LRP4: variants seen among roughly 807,000 people sequenced by gnomAD.
The protein encoded by LRP4 is low-density lipoprotein receptor-related protein 4.
LRP4 carries 95 observed loss-of-function variants against 220.3 expected under a neutral mutation model. That is an observed-to-expected ratio of 0.43 (90% CI 0.37 to 0.51). The LOEUF is 0.51. Among genes scored for constraint, LRP4 ranks in the 20% least tolerant of loss-of-function variants. The pLI is 0.00. For missense variants in LRP4, 1,925 were observed against 2,567.0 expected (o/e 0.75, Z 5.40); for synonymous variants, 903 against 954.6 (o/e 0.95, Z 1.00).
intron 1 of LRP4, 42 bp from the exon 2 acceptor site, chr11:46,902,971 C>T (rs372404960): frequency 6.2e-7 from 1 of 1,613,214 alleles, no homozygotes; most frequent in Non-Finnish European, 8.5e-7. Flanking sequence ...TCAGCTCCCA[C>T]TCAACCCAAG....
chr11:46,888,548 C>CA lies in LRP4; in HGVS notation c.2215+862dup, dbSNP rs71042635. On this transcript the variant is annotated intron_variant, in intron 16 of 37. Transcript: ENST00000378623. ...AGCCTGGACAAGAGCAAAACTGTCTCAAAAAAAAAAAAAAAAAAAAAAAAA... is the reference window on the plus strand; with the variant it reads ...AGCCTGGACAAGAGCAAAACTGTCTCAAAAAAAAAAAAAAAAAAAAAAAAAA... Among the ~76,000 whole-genome samples, 291 of 31,288 alleles carry CA rather than the reference C, an allele frequency of 9.3e-3. 11 individuals are homozygous for CA. Among genetic ancestry groups the CA allele is most frequent in the Middle Eastern group, 0.045 (1 of 22 alleles). The allele number at this position is 31,288 out of a possible 152,430, so 20.5% of individuals were successfully genotyped here. A position where few individuals can be genotyped will look rare whatever the true frequency, so the allele number is the denominator to read the frequency against.
chr11:46,908,727 C>T (rs976962181), intron 1 of LRP4, among the ~76,000 whole-genome samples: 3 of 152,204 alleles, frequency 2.0e-5, no homozygotes, highest in South Asian at 2.1e-4. Context: ...TTTCCCTCGC[C>T]GGAAGGTAAA....
intron 1 of LRP4, among the ~76,000 whole-genome samples, chr11:46,916,766 G>A (rs1941952170): frequency 6.6e-6 from 1 of 152,056 alleles, no homozygotes; most frequent in East Asian, 1.9e-4. Flanking sequence ...CCTCCAGGGG[G>A]CTGAGAGGAA....
rs562102634 is a variant in LRP4 at position 46,907,730 on chromosome 11, A to C, written c.53-4801T>G. On this transcript the variant is annotated intron_variant, in intron 1 of 37. Coordinates refer to ENST00000378623, the MANE Select transcript of LRP4 (RefSeq NM_002334.4). ...CTTAGTAGTAGACAACATAGATTCT[A>C]AAGTCAGAGAGATGAAGGTTCAAAT... 2.0e-5 allele frequency among the ~76,000 whole-genome samples: 3 copies of C among 152,288 alleles called. No homozygotes were observed. In the South Asian group the frequency reaches 6.2e-4, roughly 32 times the overall value.
rs1165928674 is a variant in LRP4 at position 46,857,929 on chromosome 11, CTT to C, written c.*1052_*1053del. 1 of 152,644 alleles carries C rather than the reference CTT, an allele frequency of 6.6e-6. No homozygotes were observed. The highest frequency in any genetic ancestry group is 1.5e-5 in the Non-Finnish European group (1 of 68,048). The allele number at this position is 152,644 out of a possible 1,614,324, so 9.5% of individuals were successfully genotyped here. A position where few individuals can be genotyped will look rare whatever the true frequency, so the allele number is the denominator to read the frequency against. On this transcript the variant is annotated 3_prime_UTR_variant, in exon 38 of 38. Transcript: ENST00000378623. ...AAGTTTGACCCTCATGGATACTTCT[CTT>C]TAGGCCCTGGGTTTCCCAAGTCTCC...
rs766757096 is a variant in LRP4 at position 46,893,144 on chromosome 11, C to T, written c.1541-15G>A. The T allele has an allele frequency of 1.2e-6, 2 of 1,614,040 alleles. No individual in the cohort carries two copies. Among genetic ancestry groups the T allele is most frequent in the South Asian group, 2.2e-5 (2 of 91,082 alleles). On this transcript the variant is annotated splice_polypyrimidine_tract_variant and intron_variant, in intron 12 of 37. Coordinates refer to ENST00000378623, the MANE Select transcript of LRP4 (RefSeq NM_002334.4). ...AGCCAGGCCCCCTGGTGAGAAGCAG[C>T]AGCAAAAAATGTCAAGGAGTCAACC...
At chr11:46,903,033 G>C (rs1592549177) in intron 1 of LRP4, 104 bp from the exon 2 acceptor site, 2 of 1,382,296 alleles carry the variant, frequency 1.4e-6, no homozygotes, top group African/African-American at 1.4e-5. Flanking sequence ...CTGTCACCTG[G>C]AGAGTCACAG....
intron 1 of LRP4, among the ~76,000 whole-genome samples, chr11:46,911,624 T>A (rs1449195408): frequency 2.1e-5 from 3 of 141,830 alleles, no homozygotes; most frequent in African/African-American, 8.3e-5. Context: ...AAAAATAAAG[T>A]CTCTCTCCCT....
rs886048342 is a variant in LRP4, at chr11:46,857,648, CAAAA to C, written c.*1331_*1334del. ...AAAGCAAATTAGGCAAAAAAACAAA[CAAAA>C]AAACCCCACGAAGAACAGCTAGGGA... is the stretch of plus-strand genomic sequence containing the variant. On this transcript the variant is annotated 3_prime_UTR_variant, in exon 38 of 38. Transcript: ENST00000378623. The C allele has an allele frequency of 1.3e-5, 2 of 152,090 alleles. No homozygotes were observed. The highest frequency in any genetic ancestry group is 6.6e-5 in the Admixed American group (1 of 15,266). 9.4% of individuals were successfully genotyped at this position (152,090 alleles called of 1,614,324 possible). A position where few individuals can be genotyped will look rare whatever the true frequency, so the allele number is the denominator to read the frequency against.
intron 1 of LRP4, among the ~76,000 whole-genome samples, chr11:46,914,909 T>C (rs887599857): frequency 6.6e-6 from 1 of 152,196 alleles, no homozygotes; most frequent in Non-Finnish European, 1.5e-5. Flanking sequence ...CAGTTAAGAC[T>C]GGCAGTTAAT....
intron 1 of LRP4, among the ~76,000 whole-genome samples, chr11:46,910,628 T>C (rs955226456): frequency 2.0e-5 from 3 of 151,600 alleles, no homozygotes; most frequent in African/African-American, 4.8e-5. Context: ...TCTTGCTTTA[T>C]TGCCTTTCTC....
intron 20 of LRP4, among the ~76,000 whole-genome samples, chr11:46,880,786 T>C (rs1223291282): frequency 6.6e-6 from 1 of 150,704 alleles, no homozygotes; most frequent in Non-Finnish European, 1.5e-5. Context: ...GATTAGACAG[T>C]AATATTGGGC....
At chr11:46,885,261 C>T (rs999685596) in intron 18 of LRP4, among the ~76,000 whole-genome samples, 5 of 152,136 alleles carry the variant, frequency 3.3e-5, no homozygotes, top group East Asian at 1.9e-4. Flanking sequence ...TCCCCCAAAG[C>T]GCTAGGATTA....
Position 46,898,681 on chromosome 11 carries a change from G to T in LRP4, c.677-4C>A. On this transcript the variant is annotated splice_polypyrimidine_tract_variant and splice_region_variant and intron_variant, in intron 6 of 37. Coordinates refer to ENST00000378623, the MANE Select transcript of LRP4 (RefSeq NM_002334.4). Reference sequence around the variant, plus strand: ...GAGCGGCAGGGCTGGTGGGAGGCTAGGGAAACACAAGACTTCTGTCTCTAG... The same window carrying T: ...GAGCGGCAGGGCTGGTGGGAGGCTATGGAAACACAAGACTTCTGTCTCTAG... The T allele has an allele frequency of 6.2e-7, 1 of 1,613,918 alleles. No individual in the cohort carries two copies. Among genetic ancestry groups the T allele is most frequent in the South Asian group, 1.1e-5 (1 of 91,062 alleles).
chr11:46,867,214 T>TTGTG (rs146563510), intron 34 of LRP4, among the ~76,000 whole-genome samples: 185 of 150,970 alleles, frequency 1.2e-3, no homozygotes, highest in African/African-American at 4.4e-3. Context: ...ATAATGGTGT[T>TTGTG]TGTGTGTGTG....
chr11:46,890,151 G>C lies in LRP4; in HGVS notation c.1916-31C>G. ...GAAAGTCCAGGAAGACCTCAGTCTG[G>C]ACGTGGTCTGCCATGTCCCCTGGGC... is the stretch of plus-strand genomic sequence containing the variant. On this transcript the variant is annotated intron_variant, in intron 14 of 37. Coordinates refer to ENST00000378623, the MANE Select transcript of LRP4 (RefSeq NM_002334.4). This position sits in a 1 kb window ranked among gnomAD's most constrained non-coding sequence, Gnocchi z 5.3. The C allele has an allele frequency of 1.9e-6, 3 of 1,611,638 alleles. No homozygotes were observed. In the South Asian group the frequency reaches 3.3e-5, roughly 18 times the overall value.
chr11:46,888,548 CAAAAA>C (rs71042635), intron 16 of LRP4, among the ~76,000 whole-genome samples: 23 of 31,312 alleles, frequency 7.3e-4, no homozygotes, highest in South Asian at 4.5e-3. Context: ...AAAACTGTCT[CAAAAA>C]AAAAAAAAAA....
At chr11:46,900,196 T>C (rs1941637364) in intron 3 of LRP4, 66 bp downstream of exon 3, 1 of 1,272,060 alleles carries the variant, frequency 7.9e-7, no homozygotes, top group African/African-American at 1.5e-5. Context: ...GGGCATTGCT[T>C]TCTGATTGAA....
rs1592522821 is a variant in LRP4 at position 46,875,209 on chromosome 11, G to A, written c.3926-106C>T. On this transcript the variant is annotated intron_variant, in intron 27 of 37. Coordinates refer to ENST00000378623, the MANE Select transcript of LRP4 (RefSeq NM_002334.4). This position sits in a 1 kb window ranked among gnomAD's most constrained non-coding sequence, Gnocchi z 4.5. ...GGCTCTTTGCTGTTCTAAGTGACAG[G>A]ATTCAGTGCCTGGCAGGGTGAGGTA... is the stretch of plus-strand genomic sequence containing the variant. The A allele has an allele frequency of 3.3e-6, 4 of 1,219,182 alleles. No individual in the cohort carries two copies. In the East Asian group the frequency reaches 7.5e-5, roughly 23 times the overall value. The allele number at this position is 1,219,182 out of a possible 1,614,324, so 75.5% of individuals were successfully genotyped here.
Sources: gnomAD v4.1 joint callset for allele counts (sites outside exome capture counted in the v4.1 genomes callset) on GRCh38, gnomAD v4.1.1 for gene constraint, Gnocchi (gnomAD v3.1) non-coding constraint, MANE v1.5 for transcripts, NCBI Gene and HGNC (gene_info 2026-07-23, HGNC 2026-07-21) for gene names.